The following RYR3 variants were observed in gnomAD, a reference collection of about 807,000 sequenced individuals.
RYR3 encodes the protein ryanodine receptor 3.
A neutral mutation model predicts 584.3 loss-of-function variants in RYR3; 207 were observed. The observed-to-expected ratio is 0.35, with a 90% CI of 0.32 to 0.40. RYR3 has a LOEUF of 0.40. Ranked by LOEUF, RYR3 falls within the 10% of genes least tolerant of loss-of-function variation. The pLI, the probability that RYR3 is intolerant of heterozygous loss-of-function variation, is 1.00. For missense variants in RYR3, 5,616 were observed against 6,089.2 expected (o/e 0.92, Z 2.59); for synonymous variants, 2,416 against 2,248.5 (o/e 1.07, Z -2.11).
rs753107741 is a variant in RYR3 at position 33,838,784 on chromosome 15, A to G, written c.12804A>G (p.Ile4268Met). The G allele has an allele frequency of 1.7e-5, 27 of 1,613,848 alleles. No individual in the cohort carries two copies. In the Admixed American group the frequency reaches 4.5e-4, roughly 27 times the overall value. Residue 4268 changes from isoleucine to methionine, a missense_variant, in exon 89 of 104, where the codon ATA (isoleucine) becomes ATG (methionine). Transcript: ENST00000634891. Reference sequence around the variant, plus strand: ...TCACCACTGAACTAGTACACTTCATAAAGGGGGAGAAGGGAGATACAGATA... The same window carrying G: ...TCACCACTGAACTAGTACACTTCATGAAGGGGGAGAAGGGAGATACAGATA... The part of the protein sequence containing the change: ...PGITTELVHF[I>M]KGEKGDTDIM...
intron 1 of RYR3, among the ~76,000 whole-genome samples, chr15:33,396,114 T>C (rs1022402747): frequency 6.6e-6 from 1 of 152,098 alleles, no homozygotes; most frequent in Non-Finnish European, 1.5e-5. Context: ...CCATAGTGGC[T>C]GAAGAGAAGC....
intron 29 of RYR3, among the ~76,000 whole-genome samples, chr15:33,647,211 GGCT>G (rs2152679070): frequency 6.6e-6 from 1 of 152,254 alleles, no homozygotes; most frequent in Non-Finnish European, 1.5e-5. Flanking sequence ...TTACCATCTG[GGCT>G]GAGGGATAAG....
At chr15:33,844,074 T>C (rs1238395326) in intron 92 of RYR3, among the ~76,000 whole-genome samples, 4 of 152,206 alleles carry the variant, frequency 2.6e-5, no homozygotes, top group African/African-American at 9.6e-5. Context: ...TAATTGTTAG[T>C]GCAGTGAATT....
intron 2 of RYR3, among the ~76,000 whole-genome samples, chr15:33,501,611 G>A (rs1407549326): frequency 2.0e-5 from 3 of 152,148 alleles, no homozygotes; most frequent in African/African-American, 7.2e-5. Context: ...TATGCTTCCT[G>A]TTCTGGGAAC....
chr15:33,405,686 G>A (rs972586956), intron 1 of RYR3, among the ~76,000 whole-genome samples: 1 of 152,232 alleles, frequency 6.6e-6, no homozygotes, highest in Non-Finnish European at 1.5e-5. Context: ...TCAGTTGCAA[G>A]TGTCAGAAAC....
intron 12 of RYR3, among the ~76,000 whole-genome samples, chr15:33,570,965 A>G (rs1254342420): frequency 6.6e-6 from 1 of 152,196 alleles, no homozygotes. Flanking sequence ...TTTGGGGAGC[A>G]GGTGGATTCT....
At chr15:33,620,952 A>G (rs1320891059) in intron 19 of RYR3, among the ~76,000 whole-genome samples, 1 of 152,246 alleles carries the variant, frequency 6.6e-6, no homozygotes, top group East Asian at 1.9e-4. Context: ...TTCAGTATGC[A>G]GTAAACACTG....
chr15:33,705,101 T>TTCTTTCTCTC (rs2066598373), intron 42 of RYR3, among the ~76,000 whole-genome samples: 2 of 142,104 alleles, frequency 1.4e-5, no homozygotes, highest in Non-Finnish European at 3.0e-5. Flanking sequence ...CACACACTCT[T>TTCTTTCTCTC]TCTCTCTCTC....
At position 33,748,235 on chromosome 15, in the gene RYR3, T is replaced by G. The variant is rs774405903; in HGVS notation, c.8111T>G (p.Leu2704Arg). ...GTTCAACAGCGGGAAAATGAGAAGC[T>G]TCGAAGTGTGTCCCAGGCCAACCAG... ...ALVQQRENEK[L>R]RSVSQANQGN... Residue 2704 changes from leucine to arginine, a missense_variant, in exon 54 of 104, where the codon CTT (leucine) becomes CGT (arginine). By Grantham distance (102) the Leu-to-Arg change is moderately radical. This residue lies in a region of RYR3 where 1,280 missense variants were observed against 1,426.2 expected (regional missense o/e 0.90). Transcript: ENST00000634891. 1 of 1,613,778 alleles carries G rather than the reference T, an allele frequency of 6.2e-7. No individual in the cohort carries two copies. Among genetic ancestry groups the G allele is most frequent in the African/African-American group, 1.3e-5 (1 of 75,004 alleles).
At chr15:33,725,180 C>CACATTTAT (rs1555427015) in intron 45 of RYR3, among the ~76,000 whole-genome samples, 1 of 143,792 alleles carries the variant, frequency 7.0e-6, no homozygotes, top group Non-Finnish European at 1.5e-5. Flanking sequence ...CACACACACA[C>CACATTTAT]ACACACACAC....
chr15:33,370,030 A>G (rs2040214458), intron 1 of RYR3, among the ~76,000 whole-genome samples: 5 of 152,250 alleles, frequency 3.3e-5, no homozygotes, highest in Admixed American at 3.3e-4. Context: ...GGACACTTTC[A>G]GCCATCATAC....
At chr15:33,773,457 A>ATTTT in intron 63 of RYR3, 77 bp from the exon 64 acceptor site, 1 of 909,256 alleles carries the variant, frequency 1.1e-6, no homozygotes, top group Non-Finnish European at 1.7e-6. Context: ...ATGCTCATGC[A>ATTTT]TTTTTTTTTT....
chr15:33,632,522 A>C (rs1287897005), intron 23 of RYR3, among the ~76,000 whole-genome samples: 1 of 152,124 alleles, frequency 6.6e-6, no homozygotes, highest in Non-Finnish European at 1.5e-5. Context: ...TGACTGAGTG[A>C]TTATTCTGTG....
At chr15:33,508,982 G>A (rs556985299) in intron 3 of RYR3, among the ~76,000 whole-genome samples, 19 of 152,206 alleles carry the variant, frequency 1.2e-4, no homozygotes, top group Middle Eastern at 6.8e-3. Flanking sequence ...CCAGTGAAGC[G>A]TAAACATACA....
chr15:33,483,552 C>G (rs760749574), intron 2 of RYR3, among the ~76,000 whole-genome samples: 3 of 152,152 alleles, frequency 2.0e-5, no homozygotes. Flanking sequence ...TGTTCCTGGT[C>G]TCCAGATGTA....
At position 33,825,906 on chromosome 15, in the gene RYR3, G is replaced by A. The variant is rs147943744; in HGVS notation, c.11146+230G>A. The A allele has an allele frequency of 6.4e-4, 322 of 500,958 alleles. 2 individuals are homozygous for A. In the East Asian group the frequency reaches 0.011, roughly 17 times the overall value. The allele number at this position is 500,958 out of a possible 1,614,324, so 31.0% of individuals were successfully genotyped here. On this transcript the variant is annotated intron_variant, in intron 82 of 103. Transcript: ENST00000634891. Reference sequence around the variant, plus strand: ...CACCACCACAGCCAGCTAATTTTTTGTATTTTTAGTAGAGGCAGCATTTCA... The same window carrying A: ...CACCACCACAGCCAGCTAATTTTTTATATTTTTAGTAGAGGCAGCATTTCA...
intron 40 of RYR3, among the ~76,000 whole-genome samples, chr15:33,698,448 C>T (rs567923211): frequency 6.6e-5 from 10 of 152,316 alleles, no homozygotes; most frequent in African/African-American, 2.2e-4. Context: ...GTTTCCTTGC[C>T]AGCTCCCTCA....
Position 33,566,810 on chromosome 15 carries a change from T to C in RYR3, c.1268+11T>C. 6.2e-7 allele frequency: 1 copy of C among 1,613,530 alleles called. No individual in the cohort carries two copies. The highest frequency in any genetic ancestry group is 8.5e-7 in the Non-Finnish European group (1 of 1,179,574). ...CAGCCAGTTTGTCAGGTATGTTAGC[T>C]CCTTTCCTCCTCTACCTAGTGAGTT... On this transcript the variant is annotated intron_variant, in intron 12 of 103. Coordinates refer to ENST00000634891, the MANE Select transcript of RYR3 (RefSeq NM_001036.6).
chr15:33,573,512 T>A (rs2058141844), intron 12 of RYR3, among the ~76,000 whole-genome samples: 1 of 152,188 alleles, frequency 6.6e-6, no homozygotes, highest in African/African-American at 2.4e-5. Context: ...TCCAGTAGAA[T>A]GAACAGTGTG....
Sources: allele counts gnomAD v4.1 joint callset (sites outside exome capture counted in the v4.1 genomes callset), GRCh38; gene constraint gnomAD v4.1.1; regional missense constraint gnomAD v4.1.1; transcripts MANE v1.5; gene names NCBI Gene and HGNC (gene_info 2026-07-23, HGNC 2026-07-21).